The following LRRN2 variants were observed in gnomAD, a reference collection of about 807,000 sequenced individuals.
LRRN2 encodes leucine-rich repeat neuronal protein 2.
A neutral mutation model predicts 35.7 loss-of-function variants in LRRN2; 10 were observed. That is an observed-to-expected ratio of 0.28 (90% CI 0.17 to 0.47). The LOEUF (loss-of-function observed/expected upper bound fraction) is 0.47. Among genes scored for constraint, LRRN2 ranks in the 20% least tolerant of loss-of-function variants. LRRN2 has a pLI of 0.99. For synonymous variants in LRRN2, 391 were observed against 409.6 expected (o/e 0.95, Z 0.55); for missense variants, 731 against 940.3 (o/e 0.78, Z 2.91).
chr1:204,655,392 A>G (rs1323738854), intron 1 of LRRN2, among the ~76,000 whole-genome samples: 1 of 152,090 alleles, frequency 6.6e-6, no homozygotes, highest in Admixed American at 6.5e-5. Flanking sequence ...GGCTCAAGTG[A>G]TCCTCCCACC....
At chr1:204,669,679 G>T (rs1169264306) in intron 1 of LRRN2, among the ~76,000 whole-genome samples, 1 of 152,226 alleles carries the variant, frequency 6.6e-6, no homozygotes, top group Non-Finnish European at 1.5e-5. Context: ...GGGATGGGAA[G>T]AGTGATTAAG....
At chr1:204,682,930 G>A (rs1351089366) in intron 1 of LRRN2, 1 of 152,246 alleles carries the variant, frequency 6.6e-6, no homozygotes, top group African/African-American at 2.4e-5. Flanking sequence ...CTAATCAGCT[G>A]GCAAGTCCAG....
intron 1 of LRRN2, among the ~76,000 whole-genome samples, chr1:204,655,199 C>A (rs762488791): frequency 1.3e-5 from 2 of 152,166 alleles, no homozygotes; most frequent in Admixed American, 6.6e-5. Context: ...TCTCCGACAG[C>A]GGAACTGACC....
chr1:204,680,313 A>G (rs1223620453), intron 1 of LRRN2, among the ~76,000 whole-genome samples: 1 of 152,216 alleles, frequency 6.6e-6, no homozygotes, highest in Non-Finnish European at 1.5e-5. Flanking sequence ...TTACCACGTG[A>G]GAGGTAGAAG....
chr1:204,685,387 G>C lies in LRRN2; in HGVS notation c.-294C>G, dbSNP rs1297776979. On this transcript the variant is annotated 5_prime_UTR_variant, in exon 1 of 2. Coordinates refer to ENST00000367177, the MANE Select transcript of LRRN2 (RefSeq NM_201630.2). The stretch of plus-strand genomic sequence containing the variant: ...GCCGCGCTCCGCTCGCCTTCCGCCC[G>C]GGGCCGGGCTGGGGACGCTGGTCCG... 2.6e-5 allele frequency: 4 copies of C among 151,456 alleles called. No individual in the cohort carries two copies. Among genetic ancestry groups the C allele is most frequent in the Non-Finnish European group, 5.9e-5 (4 of 67,908 alleles). 9.4% of individuals were successfully genotyped at this position (151,456 alleles called of 1,614,324 possible).
At chr1:204,622,150 C>CAGGT (rs1342245151) in intron 1 of LRRN2, 1 of 167,228 alleles carries the variant, frequency 6.0e-6, no homozygotes, top group South Asian at 2.1e-4. Flanking sequence ...CTGCCCTGGG[C>CAGGT]CTCTGGAGGG....
intron 1 of LRRN2, among the ~76,000 whole-genome samples, chr1:204,655,163 C>CTCCGAGAGTGGAAATGAGGTAAGTT (rs1668320866): frequency 9.9e-5 from 15 of 152,188 alleles, no homozygotes; most frequent in Admixed American, 9.8e-4. Flanking sequence ...TGAGGTAAGT[C>CTCCGAGAGTGGAAATGAGGTAAGTT]CTCCAAGAGT....
At chr1:204,654,247 T>C (rs921538648) in intron 1 of LRRN2, among the ~76,000 whole-genome samples, 1 of 152,126 alleles carries the variant, frequency 6.6e-6, no homozygotes, top group Non-Finnish European at 1.5e-5. Flanking sequence ...GATTAAGAAT[T>C]AGAAGACCCA....
At chr1:204,637,332 C>CA (rs1667859489) in intron 1 of LRRN2, among the ~76,000 whole-genome samples, 1 of 152,192 alleles carries the variant, frequency 6.6e-6, no homozygotes, top group Non-Finnish European at 1.5e-5. Context: ...CTTTCTAGCC[C>CA]AATGCTTCCC....
chr1:204,643,711 C>T (rs1404813971), intron 1 of LRRN2, among the ~76,000 whole-genome samples: 1 of 151,934 alleles, frequency 6.6e-6, no homozygotes, highest in Non-Finnish European at 1.5e-5. Context: ...TCCCTGTCAC[C>T]CTGGTGACAG....
intron 1 of LRRN2, among the ~76,000 whole-genome samples, chr1:204,662,233 T>C (rs1284176427): frequency 6.6e-6 from 1 of 151,950 alleles, no homozygotes; most frequent in Admixed American, 6.6e-5. Context: ...CATTTGAAAA[T>C]GTGGGCAAAT....
chr1:204,622,700 G>A (rs1666999219), intron 1 of LRRN2, among the ~76,000 whole-genome samples: 1 of 152,090 alleles, frequency 6.6e-6, no homozygotes, highest in Non-Finnish European at 1.5e-5. Context: ...GGTCCCTGTT[G>A]TGGAACTGGA....
At chr1:204,656,924 T>A (rs1029631076) in intron 1 of LRRN2, among the ~76,000 whole-genome samples, 2 of 152,228 alleles carry the variant, frequency 1.3e-5, no homozygotes, top group African/African-American at 4.8e-5. Flanking sequence ...AACAACATAT[T>A]TTAAGTCTCC....
intron 1 of LRRN2, chr1:204,621,945 C>T (rs970650435): frequency 6.0e-6 from 1 of 167,108 alleles, no homozygotes; most frequent in African/African-American, 2.4e-5. Context: ...TCATATGACT[C>T]TCATAACAGG....
intron 1 of LRRN2, among the ~76,000 whole-genome samples, chr1:204,647,686 T>C (rs566221433): frequency 6.6e-6 from 1 of 152,226 alleles, no homozygotes; most frequent in African/African-American, 2.4e-5. Context: ...GATGGACGGC[T>C]CTGATTTTTA....
At position 204,619,346 on chromosome 1, in the gene LRRN2, C is replaced by T. The variant is rs143481345; in HGVS notation, c.647G>A (p.Arg216His). The T allele has an allele frequency of 7.4e-6, 12 of 1,614,080 alleles. No individual in the cohort carries two copies. Among genetic ancestry groups the T allele is most frequent in the South Asian group, 4.4e-5 (4 of 91,090 alleles). Residue 216 changes from arginine to histidine, a missense_variant, in exon 2 of 2, where the codon CGT becomes CAT. Arg to His is a conservative substitution (Grantham distance 29, BLOSUM62 0). Around this residue, in one of 3 missense-constraint regions of LRRN2, gnomAD observed 246 missense variants for 289.5 expected, o/e 0.85. Coordinates refer to ENST00000367177, the MANE Select transcript of LRRN2 (RefSeq NM_201630.2). Reference sequence around the variant, plus strand: ...GTTCATGCCTGCTAGCACCAGGCTACGCAGGTTGGCCAGGGGCCGGAAGTT... The same window carrying T: ...GTTCATGCCTGCTAGCACCAGGCTATGCAGGTTGGCCAGGGGCCGGAAGTT... ...DMNFRPLANL[R>H]SLVLAGMNLR... is the part of the protein sequence containing the mutation.
chr1:204,638,760 G>A (rs918268119), intron 1 of LRRN2, among the ~76,000 whole-genome samples: 5 of 152,206 alleles, frequency 3.3e-5, no homozygotes, highest in African/African-American at 1.2e-4. Context: ...CTTGCCAAGA[G>A]GCCATGTGGA....
chr1:204,684,156 G>GTGACC (rs1274518151), intron 1 of LRRN2, among the ~76,000 whole-genome samples: 2 of 152,162 alleles, frequency 1.3e-5, no homozygotes, highest in Non-Finnish European at 2.9e-5. Flanking sequence ...CCCTATGACA[G>GTGACC]TGACCAAACT....
At chr1:204,661,231 G>A (rs927215593) in intron 1 of LRRN2, among the ~76,000 whole-genome samples, 7 of 152,286 alleles carry the variant, frequency 4.6e-5, no homozygotes, top group Non-Finnish European at 8.8e-5. Flanking sequence ...CCATTCACAT[G>A]AAATTCAAAA....
Sources: allele counts gnomAD v4.1 joint callset (sites outside exome capture counted in the v4.1 genomes callset), GRCh38; gene constraint gnomAD v4.1.1; regional missense constraint gnomAD v4.1.1; transcripts MANE v1.5; gene names NCBI Gene and HGNC (gene_info 2026-07-23, HGNC 2026-07-21).